The following LEF1 variants were observed in gnomAD, a reference collection of about 807,000 sequenced individuals.
LEF1 encodes lymphoid enhancer binding factor 1.
Under a neutral mutation model 51.2 loss-of-function variants are expected in LEF1, and 14 were observed. The observed-to-expected ratio is 0.27, with a 90% CI of 0.18 to 0.43. The LOEUF (loss-of-function observed/expected upper bound fraction) is 0.43, where lower values mean the gene tolerates loss of function less well. Ranked by LOEUF, LEF1 falls within the 20% of genes least tolerant of loss-of-function variation. The pLI, the probability that LEF1 is intolerant of heterozygous loss-of-function variation, is 1.00. For missense variants in LEF1, 386 were observed against 512.0 expected (o/e 0.75, Z 2.37); for synonymous variants, 185 against 183.2 (o/e 1.01, Z -0.08).
intron 4 of LEF1, among the ~76,000 whole-genome samples, chr4:108,084,573 G>T (rs1739519795): frequency 1.3e-5 from 2 of 152,204 alleles, no homozygotes; most frequent in African/African-American, 4.8e-5. Context: ...TTGAAAGTTG[G>T]TGTTAATTCA....
chr4:108,085,398 C>T (rs1359417276), intron 4 of LEF1, among the ~76,000 whole-genome samples: 2 of 152,174 alleles, frequency 1.3e-5, no homozygotes, highest in African/African-American at 4.8e-5. Context: ...ACTTTAATTC[C>T]TCTATTTCAC....
At chr4:108,079,723 A>C in intron 6 of LEF1, 109 bp from the exon 7 acceptor site, 1 of 1,041,932 alleles carries the variant, frequency 9.6e-7, no homozygotes, top group Non-Finnish European at 1.4e-6. Flanking sequence ...GTAAAAACAC[A>C]TCTTTACGCA....
intron 3 of LEF1, 86 bp downstream of exon 3, chr4:108,163,482 A>T: frequency 7.0e-7 from 1 of 1,425,022 alleles, no homozygotes; most frequent in Non-Finnish European, 9.7e-7. Flanking sequence ...AGCATTACCA[A>T]TGAGTTTGGA....
chr4:108,160,342 G>A (rs565395362), intron 3 of LEF1, among the ~76,000 whole-genome samples: 15 of 152,294 alleles, frequency 9.8e-5, no homozygotes, highest in Non-Finnish European at 1.9e-4. Flanking sequence ...TTGGGAGTAT[G>A]CTTTTAATAA....
At chr4:108,090,629 C>T (rs574303070) in intron 3 of LEF1, among the ~76,000 whole-genome samples, 29 of 151,988 alleles carry the variant, frequency 1.9e-4, no homozygotes, top group African/African-American at 6.3e-4. Context: ...TATTCTGATA[C>T]CTGTATAAAA....
rs151033322 is a variant in LEF1 at position 108,098,603 on chromosome 4, C to A, written c.415-9346G>T. On this transcript the variant is annotated intron_variant, in intron 3 of 11. Coordinates refer to ENST00000265165, the MANE Select transcript of LEF1 (RefSeq NM_016269.5). ...GATCAGGTGTGAAGGATTTACAGGA[C>A]AGTAACAGAAATACTTATGTGTACA... Among the ~76,000 whole-genome samples, 561 of 152,254 alleles carry A rather than the reference C, an allele frequency of 3.7e-3. 7 individuals carry two copies. The highest frequency in any genetic ancestry group is 0.013 in the African/African-American group (535 of 41,548).
At chr4:108,153,256 G>A (rs1232441501) in intron 3 of LEF1, among the ~76,000 whole-genome samples, 1 of 152,214 alleles carries the variant, frequency 6.6e-6, no homozygotes, top group Non-Finnish European at 1.5e-5. Context: ...CTCATCTCCA[G>A]TTCTACAGGA....
chr4:108,140,176 G>A (rs897556740), intron 3 of LEF1, among the ~76,000 whole-genome samples: 3 of 152,154 alleles, frequency 2.0e-5, no homozygotes, highest in African/African-American at 4.8e-5. Flanking sequence ...GTGAAATGCA[G>A]TCTAATTCCT....
intron 7 of LEF1, among the ~76,000 whole-genome samples, 199 bp downstream of exon 7, chr4:108,079,293 C>T (rs67665019): frequency 0.028 from 4,237 of 152,252 alleles, 82 homozygotes; most frequent in Middle Eastern, 0.041. Flanking sequence ...GGTCCGTGCT[C>T]CTTTGCAACC....
rs1430240760 is a variant in LEF1 at position 108,157,221 on chromosome 4, A to ACACACACACACACACAC, written c.414+6346_414+6347insGTGTGTGTGTGTGTGTG. Among the ~76,000 whole-genome samples the ACACACACACACACACAC allele has an allele frequency of 3.9e-4, 20 of 51,546 alleles. No individual in the cohort carries two copies. In the East Asian group the frequency reaches 5.3e-3, roughly 14 times the overall value. 33.8% of individuals were successfully genotyped at this position (51,546 alleles called of 152,430 possible). On this transcript the variant is annotated intron_variant, in intron 3 of 11. Coordinates refer to ENST00000265165, the MANE Select transcript of LEF1 (RefSeq NM_016269.5). ...ACACACACACACACACACACACACA[A>ACACACACACACACACAC]ACACACATATAGCTCTTTCGCCCAG...
intron 3 of LEF1, among the ~76,000 whole-genome samples, chr4:108,091,699 C>T (rs1418284458): frequency 1.3e-5 from 2 of 152,054 alleles, no homozygotes; most frequent in Admixed American, 6.6e-5. Flanking sequence ...TAATGCTTTT[C>T]GAGTGTTAAT....
chr4:108,120,515 CTTT>C (rs999063607), intron 3 of LEF1, among the ~76,000 whole-genome samples: 3 of 152,156 alleles, frequency 2.0e-5, no homozygotes, highest in Non-Finnish European at 2.9e-5. Flanking sequence ...GAATATTCTT[CTTT>C]GATACAATGG....
intron 4 of LEF1, among the ~76,000 whole-genome samples, chr4:108,087,467 T>G (rs780795915): frequency 1.3e-5 from 2 of 151,538 alleles, no homozygotes; most frequent in African/African-American, 2.4e-5. Context: ...AACTTAACAA[T>G]TATGCAAAAC....
In LEF1 at chr4:108,125,995, A is replaced by G. The variant is rs568930828; in HGVS notation, c.415-36738T>C. Among the ~76,000 whole-genome samples the G allele has an allele frequency of 9.9e-4, 151 of 152,318 alleles. 2 individuals carry two copies. The highest frequency in any genetic ancestry group is 9.7e-3 in the Admixed American group (148 of 15,302). On this transcript the variant is annotated intron_variant, in intron 3 of 11. Transcript: ENST00000265165. ...CCAATTACAATGTTTAAGTACTTAG[A>G]TGTACATGAAACAACTTTACTGGAA... is the stretch of plus-strand genomic sequence containing the variant.
chr4:108,067,213 A>G (rs1335626075), intron 9 of LEF1, among the ~76,000 whole-genome samples: 1 of 152,224 alleles, frequency 6.6e-6, no homozygotes, highest in East Asian at 1.9e-4. Flanking sequence ...TTCCTTTAAA[A>G]GTTGTGCAGA....
intron 9 of LEF1, among the ~76,000 whole-genome samples, chr4:108,065,782 G>C (rs547274088): frequency 6.6e-6 from 1 of 152,144 alleles, no homozygotes; most frequent in African/African-American, 2.4e-5. Context: ...TATGATATGT[G>C]TTCCATTTTA....
intron 9 of LEF1, 36 bp downstream of exon 9, chr4:108,070,627 A>G (rs1490116649): frequency 3.0e-6 from 4 of 1,348,374 alleles, no homozygotes; most frequent in Non-Finnish European, 3.2e-6. Context: ...CGAATGAGTG[A>G]GAGTGGAGAG....
chr4:108,115,129 G>A (rs529281373), intron 3 of LEF1, among the ~76,000 whole-genome samples: 5 of 152,264 alleles, frequency 3.3e-5, no homozygotes, highest in East Asian at 3.9e-4. Flanking sequence ...AATTCCATGC[G>A]CACACCTATA....
intron 11 of LEF1, among the ~76,000 whole-genome samples, chr4:108,056,236 C>T (rs1393767643): frequency 6.6e-6 from 1 of 152,108 alleles, no homozygotes; most frequent in Non-Finnish European, 1.5e-5. Context: ...GCTCAGAGAA[C>T]TGAGAGAGTC....
Sources: allele counts gnomAD v4.1 joint callset (sites outside exome capture counted in the v4.1 genomes callset), GRCh38; gene constraint gnomAD v4.1.1; transcripts MANE v1.5; gene names NCBI Gene and HGNC (gene_info 2026-07-23, HGNC 2026-07-21).